The following SPIDR variants were observed in gnomAD, a reference collection of about 807,000 sequenced individuals.
SPIDR encodes DNA repair-scaffolding protein.
In SPIDR, 93 loss-of-function variants were observed where a neutral mutation model predicts 104.6. The ratio of observed to expected loss-of-function variants is 0.89; its 90% CI spans 0.75 to 1.06. The LOEUF (loss-of-function observed/expected upper bound fraction) is 1.06, where lower values mean the gene tolerates loss of function less well. Ranked by LOEUF, SPIDR falls within the 50% of genes least tolerant of loss-of-function variation. SPIDR has a pLI of 0.00. For synonymous variants in SPIDR, 431 were observed against 416.9 expected, an observed-to-expected ratio of 1.03 and a Z score of -0.41; for missense variants, 1,154 against 1,111.2, an observed-to-expected ratio of 1.04 and a Z score of -0.55.
intron 6 of SPIDR, among the ~76,000 whole-genome samples, chr8:47,402,800 C>A (rs564222170): frequency 1.3e-5 from 2 of 152,306 alleles, no homozygotes; most frequent in Admixed American, 6.5e-5. Context: ...ACCATTACTT[C>A]TGAAACTATT....
At chr8:47,547,304 C>G (rs184406351) in intron 8 of SPIDR, 2 of 566,798 alleles carry the variant, frequency 3.5e-6, no homozygotes, top group Non-Finnish European at 3.5e-6. Flanking sequence ...CGAAAATTCT[C>G]TCCCATCTAG....
At chr8:47,628,155 C>A (rs756581435) in intron 10 of SPIDR, among the ~76,000 whole-genome samples, 1 of 152,158 alleles carries the variant, frequency 6.6e-6, no homozygotes, top group African/African-American at 2.4e-5. Flanking sequence ...TTAAACTAGC[C>A]ATCCTTCCAC....
intron 16 of SPIDR, among the ~76,000 whole-genome samples, chr8:47,716,774 G>A (rs989641600): frequency 1.1e-4 from 17 of 152,106 alleles, no homozygotes; most frequent in African/African-American, 4.1e-4. Flanking sequence ...GCAGGTGGAA[G>A]GGCACATGGA....
intron 5 of SPIDR, among the ~76,000 whole-genome samples, chr8:47,392,013 A>G (rs1459608340): frequency 1.3e-5 from 2 of 150,348 alleles, no homozygotes; most frequent in East Asian, 1.9e-4. Context: ...AAAAAAAAAA[A>G]GAAAGAAAAG....
chr8:47,586,179 A>AAT (rs534085031), intron 8 of SPIDR, among the ~76,000 whole-genome samples: 180 of 152,326 alleles, frequency 1.2e-3, no homozygotes, highest in Non-Finnish European at 7.6e-4. Context: ...TATTATTAAT[A>AAT]AAGCTGCTAA....
At chr8:47,499,688 G>A (rs2080054663) in intron 8 of SPIDR, among the ~76,000 whole-genome samples, 1 of 151,942 alleles carries the variant, frequency 6.6e-6, no homozygotes, top group African/African-American at 2.4e-5. Context: ...TGCACAACGT[G>A]CAGGTTAGTT....
chr8:47,729,598 C>T, intron 19 of SPIDR, 133 bp downstream of exon 19: 6 of 984,668 alleles, frequency 6.1e-6, no homozygotes, highest in South Asian at 1.7e-5. Context: ...TGTAGACACT[C>T]GAGAGTGAAA....
chr8:47,542,526 A>G (rs892682341), intron 8 of SPIDR, among the ~76,000 whole-genome samples: 17 of 152,146 alleles, frequency 1.1e-4, no homozygotes, highest in South Asian at 2.1e-4. Flanking sequence ...TTTTTTTTAA[A>G]AAAAGTAAAT....
At chr8:47,584,128 GATCAT>G (rs1266856693) in intron 8 of SPIDR, among the ~76,000 whole-genome samples, 1 of 152,142 alleles carries the variant, frequency 6.6e-6, no homozygotes, top group African/African-American at 2.4e-5. Context: ...AGATCATATA[GATCAT>G]ATCATATTTA....
At chr8:47,494,909 T>C (rs1034692415) in intron 8 of SPIDR, among the ~76,000 whole-genome samples, 3 of 152,168 alleles carry the variant, frequency 2.0e-5, no homozygotes, top group Non-Finnish European at 2.9e-5. Context: ...GGGTGTTCAT[T>C]TGCATGATTT....
chr8:47,631,254 C>T (rs140354917), intron 10 of SPIDR, among the ~76,000 whole-genome samples: 149 of 152,276 alleles, frequency 9.8e-4, no homozygotes, highest in African/African-American at 3.5e-3. Flanking sequence ...GTGACTGCCC[C>T]AAGGCTTTGT....
chr8:47,316,549 TC>T lies in SPIDR; in HGVS notation c.525+22520del, dbSNP rs1304398942. On this transcript the variant is annotated intron_variant, in intron 5 of 19. Coordinates refer to ENST00000297423, the MANE Select transcript of SPIDR (RefSeq NM_001080394.4). Reference sequence around the variant, plus strand: ...TGATAAGGAACACTGTCTTGGTACATCAACAACATAATGAATTTCAAATACA... The same window carrying T: ...TGATAAGGAACACTGTCTTGGTACATAACAACATAATGAATTTCAAATACA... 2.0e-5 allele frequency among the ~76,000 whole-genome samples: 3 copies of T among 152,190 alleles called. No individual in the cohort carries two copies. In the East Asian group the frequency reaches 5.8e-4, roughly 29 times the overall value.
At chr8:47,281,458 T>C (rs1023221458) in intron 2 of SPIDR, among the ~76,000 whole-genome samples, 52 of 152,376 alleles carry the variant, frequency 3.4e-4, no homozygotes, top group Non-Finnish European at 5.9e-4. Flanking sequence ...AGCCTGACAC[T>C]GCTTTATCAA....
intron 10 of SPIDR, among the ~76,000 whole-genome samples, chr8:47,642,238 A>T (rs2069186818): frequency 6.6e-6 from 1 of 151,930 alleles, no homozygotes; most frequent in Admixed American, 6.6e-5. Context: ...CCTGGCTAAC[A>T]CGGTAAAACT....
intron 8 of SPIDR, among the ~76,000 whole-genome samples, chr8:47,549,257 T>C (rs1486904335): frequency 6.6e-6 from 1 of 152,238 alleles, no homozygotes; most frequent in Non-Finnish European, 1.5e-5. Context: ...TATAGCAGCA[T>C]GATTTATAAT....
At chr8:47,424,966 G>T (rs1028262714) in intron 7 of SPIDR, among the ~76,000 whole-genome samples, 9 of 152,084 alleles carry the variant, frequency 5.9e-5, no homozygotes, top group Non-Finnish European at 1.0e-4. Flanking sequence ...TAACCACCTT[G>T]CCCAGACTTT....
chr8:47,294,057 T>C, intron 5 of SPIDR, 27 bp downstream of exon 5: 1 of 1,599,210 alleles, frequency 6.3e-7, no homozygotes, highest in South Asian at 1.1e-5. Flanking sequence ...TCAAAACTTT[T>C]ATTCACTTTA....
intron 5 of SPIDR, among the ~76,000 whole-genome samples, chr8:47,366,898 T>C (rs577382119): frequency 3.8e-4 from 58 of 152,352 alleles, no homozygotes; most frequent in African/African-American, 1.3e-3. Flanking sequence ...AAATTCTTTA[T>C]TGATGCCAAG....
chr8:47,674,848 T>C (rs1193714664), intron 11 of SPIDR, among the ~76,000 whole-genome samples: 3 of 152,178 alleles, frequency 2.0e-5, no homozygotes, highest in African/African-American at 7.2e-5. Flanking sequence ...AGGCCTTGAC[T>C]TTGAGTCCTG....
Sources: gnomAD v4.1 joint callset for allele counts (sites outside exome capture counted in the v4.1 genomes callset) on GRCh38, gnomAD v4.1.1 for gene constraint, MANE v1.5 for transcripts, NCBI Gene and HGNC (gene_info 2026-07-23, HGNC 2026-07-21) for gene names.